Variants in ERC2 observed in about 807,000 individuals in gnomAD.
The protein encoded by ERC2 is ERC protein 2.
Under a neutral mutation model 114.8 loss-of-function variants are expected in ERC2, and 42 were observed. The ratio of observed to expected loss-of-function variants is 0.37; its 90% CI spans 0.29 to 0.47. The LOEUF (loss-of-function observed/expected upper bound fraction) is 0.47, where lower values mean the gene tolerates loss of function less well. ERC2 is among the 20% of genes least tolerant of loss of function. The pLI, the probability that ERC2 is intolerant of heterozygous loss-of-function variation, is 0.99. For missense variants in ERC2, 939 were observed against 1,150.7 expected (o/e 0.82, Z 2.66); for synonymous variants, 454 against 425.5 (o/e 1.07, Z -0.82).
intron 12 of ERC2, among the ~76,000 whole-genome samples, chr3:55,973,569 A>G (rs2069342393): frequency 6.6e-6 from 1 of 152,172 alleles, no homozygotes; most frequent in African/African-American, 2.4e-5. Context: ...TGCTCTTGAG[A>G]TTATCTAGGT....
intron 3 of ERC2, among the ~76,000 whole-genome samples, chr3:56,205,936 G>T (rs2048698041): frequency 6.6e-6 from 1 of 151,930 alleles, no homozygotes; most frequent in Admixed American, 6.6e-5. Flanking sequence ...CTTTCTTCTG[G>T]CCATAAGACT....
At chr3:56,040,611 A>AATATATAGATGTATATGCATATATAC (rs2075106431) in intron 7 of ERC2, among the ~76,000 whole-genome samples, 1 of 33,108 alleles carries the variant, frequency 3.0e-5, no homozygotes, top group Non-Finnish European at 4.8e-5. Context: ...ATGTATATAT[A>AATATATAGATGTATATGCATATATAC]ATATATAGAT....
chr3:55,631,486 G>GA (rs2059756726), intron 17 of ERC2, among the ~76,000 whole-genome samples: 1 of 152,198 alleles, frequency 6.6e-6, no homozygotes, highest in Admixed American at 6.5e-5. Flanking sequence ...GGTTGGCACT[G>GA]AAAGTTACAA....
At chr3:55,714,661 GTGTGTGTATATATATA>G (rs1250213391) in intron 15 of ERC2, among the ~76,000 whole-genome samples, 28 of 71,748 alleles carry the variant, frequency 3.9e-4, no homozygotes, top group Admixed American at 2.2e-3. Flanking sequence ...GTGTGTGTGT[GTGTGTGTATATATATA>G]TATATATATA....
intron 14 of ERC2, among the ~76,000 whole-genome samples, chr3:55,824,251 T>C (rs1230051267): frequency 1.3e-5 from 2 of 152,134 alleles, no homozygotes; most frequent in African/African-American, 4.8e-5. Flanking sequence ...CTAATACTAT[T>C]CGTGATTCTC....
intron 13 of ERC2, among the ~76,000 whole-genome samples, chr3:55,929,558 G>A (rs2065948163): frequency 6.6e-6 from 1 of 152,208 alleles, no homozygotes; most frequent in East Asian, 1.9e-4. Flanking sequence ...AGTGGACAAA[G>A]CTAAGTTATA....
chr3:55,908,298 C>A (rs949754967), intron 13 of ERC2, among the ~76,000 whole-genome samples: 1 of 152,130 alleles, frequency 6.6e-6, no homozygotes, highest in African/African-American at 2.4e-5. Flanking sequence ...ACATTATAGG[C>A]CACATCTGGA....
chr3:55,839,878 A>G (rs1230393992), intron 14 of ERC2, among the ~76,000 whole-genome samples: 3 of 152,092 alleles, frequency 2.0e-5, no homozygotes, highest in East Asian at 1.9e-4. Flanking sequence ...AAGTACCTCA[A>G]TTAAAATGCA....
chr3:55,662,502 T>C (rs2061181190), intron 17 of ERC2, among the ~76,000 whole-genome samples: 1 of 152,244 alleles, frequency 6.6e-6, no homozygotes, highest in Admixed American at 6.5e-5. Flanking sequence ...CTAATTTGTG[T>C]TAAATGAATT....
chr3:56,339,354 G>T (rs2057994958), intron 2 of ERC2, among the ~76,000 whole-genome samples: 1 of 152,212 alleles, frequency 6.6e-6, no homozygotes, highest in South Asian at 2.1e-4. Context: ...AAAGAGAAGT[G>T]TAAGGGTAGT....
At chr3:56,365,900 A>C (rs758991677) in intron 2 of ERC2, among the ~76,000 whole-genome samples, 1 of 152,196 alleles carries the variant, frequency 6.6e-6, no homozygotes, top group Non-Finnish European at 1.5e-5. Flanking sequence ...TTTAGAGTTA[A>C]TTCATGGTTA....
At chr3:55,783,764 G>A (rs1461065752) in intron 14 of ERC2, among the ~76,000 whole-genome samples, 1 of 152,126 alleles carries the variant, frequency 6.6e-6, no homozygotes, top group African/African-American at 2.4e-5. Context: ...GCCCCAACAG[G>A]TGATAACGTG....
intron 7 of ERC2, among the ~76,000 whole-genome samples, chr3:56,069,782 T>C (rs932673416): frequency 6.6e-6 from 1 of 152,176 alleles, no homozygotes; most frequent in Non-Finnish European, 1.5e-5. Context: ...AAAGGAGGTA[T>C]GATAAAAATG....
chr3:55,903,063 C>T (rs567726119), intron 13 of ERC2, among the ~76,000 whole-genome samples: 1 of 152,336 alleles, frequency 6.6e-6, no homozygotes, highest in South Asian at 2.1e-4. Flanking sequence ...GTGACACTTT[C>T]ACAACTGGGA....
chr3:55,953,698 T>A (rs963968658), intron 12 of ERC2, among the ~76,000 whole-genome samples: 6 of 152,096 alleles, frequency 3.9e-5, no homozygotes, highest in Non-Finnish European at 7.4e-5. Flanking sequence ...TGGCAATTTA[T>A]AAGGGATACA....
At chr3:55,815,855 A>G (rs191141453) in intron 14 of ERC2, among the ~76,000 whole-genome samples, 10 of 152,316 alleles carry the variant, frequency 6.6e-5, no homozygotes, top group African/African-American at 2.4e-4. Flanking sequence ...AAGGAAGCCA[A>G]TGCAAAATGC....
At chr3:55,764,784 A>G (rs1031070371) in intron 14 of ERC2, among the ~76,000 whole-genome samples, 1 of 152,188 alleles carries the variant, frequency 6.6e-6, no homozygotes, top group Non-Finnish European at 1.5e-5. Flanking sequence ...GGAAATCTAG[A>G]GGCTAAATAT....
intron 17 of ERC2, among the ~76,000 whole-genome samples, chr3:55,604,386 G>A (rs1423355174): frequency 6.6e-6 from 1 of 152,172 alleles, no homozygotes; most frequent in Non-Finnish European, 1.5e-5. Context: ...AACCAGTGGA[G>A]AGAGTAGCTT....
In ERC2 at chr3:56,434,755, C is replaced by T. The variant is rs1377698474; in HGVS notation, c.253G>A (p.Ala85Thr). The T allele has an allele frequency of 1.2e-6, 2 of 1,613,872 alleles. No homozygotes were observed. Among genetic ancestry groups the T allele is most frequent in the Non-Finnish European group, 1.7e-6 (2 of 1,179,890 alleles). The change falls in exon 2 of 18, where the codon GCT (alanine) becomes ACT (threonine). Residue 85 changes from alanine (A) to threonine (T), a missense_variant. Ala to Thr is a moderately conservative substitution (Grantham distance 58, BLOSUM62 0). Around this residue, in one of 5 missense-constraint regions of ERC2, gnomAD observed 281 missense variants for 307.4 expected, o/e 0.91. Coordinates refer to ENST00000288221, the MANE Select transcript of ERC2 (RefSeq NM_015576.3). ...CCTCCATATACAGCTCGATTTGTAG[C>T]CCTTCCCAGAGTCATAGTGCCCTTT... ...YPKGTMTLGR[A>T]TNRAVYGGRV...
Sources: allele counts gnomAD v4.1 joint callset (sites outside exome capture counted in the v4.1 genomes callset), GRCh38; gene constraint gnomAD v4.1.1; regional missense constraint gnomAD v4.1.1; transcripts MANE v1.5; gene names NCBI Gene and HGNC (gene_info 2026-07-23, HGNC 2026-07-21).